The following GABRG2 variants were observed in gnomAD, a reference collection of about 807,000 sequenced individuals.
GABRG2 encodes gamma-aminobutyric acid type A receptor subunit gamma2.
Under a neutral mutation model 56.4 loss-of-function variants are expected in GABRG2, and 16 were observed. The ratio of observed to expected loss-of-function variants is 0.28; its 90% confidence interval spans 0.19 to 0.43. The LOEUF (loss-of-function observed/expected upper bound fraction) is 0.43. Among genes scored for constraint, GABRG2 ranks in the 20% least tolerant of loss-of-function variants. The pLI, the probability that GABRG2 is intolerant of heterozygous loss-of-function variation, is 1.00. For synonymous variants in GABRG2, 208 were observed against 205.5 expected (o/e 1.01, Z -0.10); for missense variants, 327 against 582.7 (o/e 0.56, Z 4.52).
At chr5:162,100,148 C>T (rs1478872174) in intron 4 of GABRG2, 9 of 152,020 alleles carry the variant, frequency 5.9e-5, no homozygotes, top group Non-Finnish European at 1.3e-4. Flanking sequence ...ACAATAAATG[C>T]ATAATAATAC....
At position 162,153,436 on chromosome 5, in the gene GABRG2, C is replaced by T; in HGVS notation, c.*68C>T. 1.3e-6 allele frequency: 2 copies of T among 1,528,722 alleles called. No individual in the cohort carries two copies. The highest frequency in any genetic ancestry group is 1.1e-5 in the South Asian group (1 of 89,328). 94.7% of individuals were successfully genotyped at this position (1,528,722 alleles called of 1,614,324 possible). On this transcript the variant is annotated 3_prime_UTR_variant, in exon 10 of 10. Transcript: ENST00000639213. ...TCATGGAGAGATGTCTGTTCTAAGT[C>T]CACTTAAATAATCCTCTATGTGGTT...
In GABRG2 at chr5:162,155,443, C is replaced by T. The variant is rs1415983166; in HGVS notation, c.*2075C>T. On this transcript the variant is annotated 3_prime_UTR_variant, in exon 10 of 10. Transcript: ENST00000639213. ...TCTAATACTTATTATAAGCTGCTCC[C>T]TGTCTATGTATTTGGAAACCTTTTC... 6.6e-6 allele frequency: 1 copy of T among 152,152 alleles called. No homozygotes were observed. The highest frequency in any genetic ancestry group is 2.4e-5 in the African/African-American group (1 of 41,322). The allele number at this position is 152,152 out of a possible 1,614,324, so 9.4% of individuals were successfully genotyped here.
intron 1 of GABRG2, among the ~76,000 whole-genome samples, chr5:162,070,342 T>TA (rs1377530495): frequency 2.0e-5 from 3 of 151,714 alleles, no homozygotes; most frequent in Non-Finnish European, 2.9e-5. Flanking sequence ...TGCAATCCCA[T>TA]AAAAAAAGTC....
intron 6 of GABRG2, among the ~76,000 whole-genome samples, chr5:162,131,943 T>C (rs1763784207): frequency 6.7e-6 from 1 of 149,322 alleles, no homozygotes; most frequent in African/African-American, 2.4e-5. Context: ...CAGTGAAATA[T>C]TCTAATAGTA....
At chr5:162,113,674 A>G (rs2113437514) in intron 6 of GABRG2, among the ~76,000 whole-genome samples, 1 of 152,348 alleles carries the variant, frequency 6.6e-6, no homozygotes, top group Non-Finnish European at 1.5e-5. Flanking sequence ...TAATAGCACC[A>G]TGTACCAATG....
intron 1 of GABRG2, among the ~76,000 whole-genome samples, chr5:162,085,905 G>C (rs559161256): frequency 2.0e-5 from 3 of 151,602 alleles, no homozygotes; most frequent in South Asian, 4.1e-4. Context: ...CAAAGGACAT[G>C]ATCTCATTGT....
intron 1 of GABRG2, among the ~76,000 whole-genome samples, chr5:162,086,112 T>C (rs961204250): frequency 2.0e-5 from 3 of 151,976 alleles, no homozygotes; most frequent in Non-Finnish European, 4.4e-5. Flanking sequence ...AGTTTTCCCA[T>C]GCAGAGAATC....
At chr5:162,081,721 C>T (rs1759680170) in intron 1 of GABRG2, among the ~76,000 whole-genome samples, 1 of 151,848 alleles carries the variant, frequency 6.6e-6, no homozygotes, top group African/African-American at 2.4e-5. Flanking sequence ...TATGATATCA[C>T]CACACATCTA....
intron 6 of GABRG2, among the ~76,000 whole-genome samples, chr5:162,128,556 T>C (rs1279625472): frequency 1.3e-5 from 2 of 151,986 alleles, no homozygotes; most frequent in Non-Finnish European, 2.9e-5. Flanking sequence ...AACTCAGCTT[T>C]CAGCAGGCAG....
chr5:162,149,659 G>A, intron 8 of GABRG2: 1 of 620,098 alleles, frequency 1.6e-6, no homozygotes, highest in South Asian at 1.4e-5. Context: ...TGTTGCTCAG[G>A]CTGGAGTGCA....
chr5:162,069,264 C>G (rs116656934), intron 1 of GABRG2, among the ~76,000 whole-genome samples: 126 of 152,258 alleles, frequency 8.3e-4, no homozygotes, highest in African/African-American at 2.7e-3. Context: ...ATTTACATTA[C>G]TTGCATTCTT....
intron 1 of GABRG2, among the ~76,000 whole-genome samples, chr5:162,085,699 A>G (rs1222210529): frequency 1.3e-5 from 2 of 151,582 alleles, no homozygotes; most frequent in Non-Finnish European, 1.5e-5. Flanking sequence ...GGTGCCCATC[A>G]GTTATTTTTC....
At position 162,092,329 on chromosome 5, in the gene GABRG2, G is replaced by C. The variant is rs181606704; in HGVS notation, c.108-1499G>C. ...ATGCTCACTAAAGTGCAAGATGTAA[G>C]ACACTGGGTATGTTAGGCCTTTTGC... On this transcript the variant is annotated intron_variant, in intron 1 of 9. Transcript: ENST00000639213. Among the ~76,000 whole-genome samples, 293 of 152,204 alleles carry C rather than the reference G, an allele frequency of 1.9e-3. 3 individuals carry two copies. The highest frequency in any genetic ancestry group is 6.7e-3 in the African/African-American group (279 of 41,540).
intron 6 of GABRG2, among the ~76,000 whole-genome samples, chr5:162,104,417 A>G (rs1386785896): frequency 2.0e-5 from 3 of 152,208 alleles, no homozygotes; most frequent in Non-Finnish European, 4.4e-5. Flanking sequence ...CATAGTGGAT[A>G]TGGACCCATT....
At chr5:162,125,208 C>A (rs1481262346) in intron 6 of GABRG2, among the ~76,000 whole-genome samples, 1 of 151,430 alleles carries the variant, frequency 6.6e-6, no homozygotes, top group Non-Finnish European at 1.5e-5. Context: ...CTATTTTTTT[C>A]TCTTAATTTC....
intron 6 of GABRG2, among the ~76,000 whole-genome samples, chr5:162,127,484 C>T (rs1763422817): frequency 1.3e-5 from 2 of 151,792 alleles, no homozygotes; most frequent in Admixed American, 1.3e-4. Flanking sequence ...CATAGTTCAA[C>T]CATCACTGGA....
In GABRG2 at chr5:162,153,577, T is replaced by G; in HGVS notation, c.*209T>G. 1 of 631,932 alleles carries G rather than the reference T, an allele frequency of 1.6e-6. No homozygotes were observed. The highest frequency in any genetic ancestry group is 2.7e-5 in the East Asian group (1 of 36,670). The allele number at this position is 631,932 out of a possible 1,614,324, so 39.1% of individuals were successfully genotyped here. ...TTTGAACTTCGATGTTTGCTGTGTT[T>G]CAAACCTGCAAGGCAAAGTAAAATT... On this transcript the variant is annotated 3_prime_UTR_variant, in exon 10 of 10. Transcript: ENST00000639213.
intron 4 of GABRG2, chr5:162,099,300 A>G (rs1761235654): frequency 6.6e-6 from 1 of 152,056 alleles, no homozygotes; most frequent in Admixed American, 6.5e-5. Flanking sequence ...ACAGGGTCTC[A>G]CTGTGTCACC....
chr5:162,150,377 A>G (rs1765281903), intron 8 of GABRG2: 1 of 152,254 alleles, frequency 6.6e-6, no homozygotes, highest in Non-Finnish European at 1.5e-5. Flanking sequence ...CAGTGCCACA[A>G]TTTGAAAACA....
Sources: allele counts gnomAD v4.1 joint callset (sites outside exome capture counted in the v4.1 genomes callset), GRCh38; gene constraint gnomAD v4.1.1; transcripts MANE v1.5; gene names NCBI Gene and HGNC (gene_info 2026-07-23, HGNC 2026-07-21).